Variants in DOCK7 observed in about 807,000 individuals in gnomAD.
DOCK7 encodes dedicator of cytokinesis 7, also known as dedicator of cytokinesis protein 7.
A neutral mutation model predicts 271.0 loss-of-function variants in DOCK7; 138 were observed. The ratio of observed to expected loss-of-function variants is 0.51; its 90% CI spans 0.44 to 0.59. DOCK7 has a LOEUF of 0.59. DOCK7 is among the 20% of genes least tolerant of loss of function. The probability of loss-of-function intolerance (pLI) is 0.00; values close to 1 mark genes in which losing one functional copy is unlikely to be tolerated. For missense variants in DOCK7, 2,066 were observed against 2,592.4 expected (o/e 0.80, Z 4.41); for synonymous variants, 823 against 876.1 (o/e 0.94, Z 1.07).
chr1:62,600,865 T>G (rs896521809), intron 14 of DOCK7, among the ~76,000 whole-genome samples: 1 of 151,812 alleles, frequency 6.6e-6, no homozygotes, highest in African/African-American at 2.4e-5. Context: ...TTTTTTGCCT[T>G]GCTTTATTTT....
chr1:62,583,821 TA>T (rs1296876001), intron 15 of DOCK7, among the ~76,000 whole-genome samples: 4 of 152,106 alleles, frequency 2.6e-5, no homozygotes, highest in Non-Finnish European at 4.4e-5. Flanking sequence ...TCCACCACAT[TA>T]AAAAGAATAC....
intron 48 of DOCK7, among the ~76,000 whole-genome samples, chr1:62,461,654 C>G (rs1056535279): frequency 5.5e-5 from 8 of 146,206 alleles, no homozygotes; most frequent in Non-Finnish European, 9.0e-5. Context: ...CTGGGTGACA[C>G]AGTGAGACCC....
chr1:62,650,653 T>G (rs1443132195), intron 4 of DOCK7, among the ~76,000 whole-genome samples: 1 of 152,162 alleles, frequency 6.6e-6, no homozygotes, highest in Non-Finnish European at 1.5e-5. Context: ...CAGACACTTC[T>G]CAAAAGAAGA....
At chr1:62,549,575 G>C (rs1053169834) in intron 22 of DOCK7, among the ~76,000 whole-genome samples, 1 of 152,058 alleles carries the variant, frequency 6.6e-6, no homozygotes, top group African/African-American at 2.4e-5. Flanking sequence ...TGATAAAGAT[G>C]TATCATGTGT....
At chr1:62,458,156 G>GGTGT (rs10609544) in intron 48 of DOCK7, 3,258 of 153,114 alleles carry the variant, frequency 0.021, 60 homozygotes, top group Admixed American at 0.041. Context: ...CTCAAACGTG[G>GGTGT]GTGTGTGTGT....
chr1:62,652,088 A>G (rs1001561020), intron 4 of DOCK7, among the ~76,000 whole-genome samples: 5 of 152,196 alleles, frequency 3.3e-5, no homozygotes, highest in Non-Finnish European at 5.9e-5. Flanking sequence ...AAATAAATAA[A>G]TAAATAAAGG....
At chr1:62,463,724 A>C (rs1007076670) in intron 48 of DOCK7, among the ~76,000 whole-genome samples, 4 of 152,218 alleles carry the variant, frequency 2.6e-5, no homozygotes, top group African/African-American at 9.6e-5. Flanking sequence ...ATGCAAAACA[A>C]AATATGTTAT....
At chr1:62,474,674 T>A (rs1048460947) in intron 47 of DOCK7, among the ~76,000 whole-genome samples, 6 of 152,202 alleles carry the variant, frequency 3.9e-5, no homozygotes, top group African/African-American at 1.4e-4. Flanking sequence ...GTACAGGAAA[T>A]CTTACTTGAA....
In DOCK7 at chr1:62,586,583, T is replaced by A. The variant is rs147324128; in HGVS notation, c.1724A>T (p.Asn575Ile). The change falls in exon 15 of 50, where the codon AAT becomes ATT. Residue 575 changes from asparagine (N) to isoleucine (I), a missense_variant. Coordinates refer to ENST00000635253, the MANE Select transcript of DOCK7 (RefSeq NM_001367561.1). ...YIYPQSLNFANRQGSARNITV... is the reference protein window; with the variant it reads ...YIYPQSLNFAIRQGSARNITV... ...TATATTTCTAGCAGAACCTTGACGA[T>A]TGGCAAAATTAAGACTCTGAGGGTA... 6.2e-7 allele frequency: 1 copy of A among 1,613,002 alleles called. No homozygotes were observed. Among genetic ancestry groups the A allele is most frequent in the Non-Finnish European group, 8.5e-7 (1 of 1,179,282 alleles).
At chr1:62,618,066 T>C (rs1446990559) in intron 14 of DOCK7, among the ~76,000 whole-genome samples, 1 of 152,074 alleles carries the variant, frequency 6.6e-6, no homozygotes, top group Non-Finnish European at 1.5e-5. Context: ...CCCTACTGAA[T>C]ATCCCAACAG....
At chr1:62,682,839 C>T (rs1320424940) in intron 1 of DOCK7, among the ~76,000 whole-genome samples, 7 of 152,026 alleles carry the variant, frequency 4.6e-5, no homozygotes, top group Non-Finnish European at 8.8e-5. Flanking sequence ...GGGAAAGGTC[C>T]ACAAAAAGGG....
chr1:62,681,392 G>C (rs929534092), intron 1 of DOCK7, among the ~76,000 whole-genome samples: 1 of 120,200 alleles, frequency 8.3e-6, no homozygotes, highest in East Asian at 3.0e-4. Context: ...TCGTGGGGTG[G>C]GGGGAGGGGG....
chr1:62,475,485 G>T, intron 46 of DOCK7, 134 bp from the exon 47 acceptor site: 1 of 1,214,074 alleles, frequency 8.2e-7, no homozygotes, highest in Non-Finnish European at 1.1e-6. Context: ...TTCCAAACTT[G>T]GATTCCTAAA....
intron 43 of DOCK7, chr1:62,482,068 A>G (rs1434967070): frequency 2.0e-5 from 3 of 152,210 alleles, no homozygotes; most frequent in Non-Finnish European, 4.4e-5. Context: ...AGATTTTATT[A>G]ACTAGTGTTA....
chr1:62,667,683 C>T (rs1216152617), intron 1 of DOCK7, among the ~76,000 whole-genome samples: 3 of 152,054 alleles, frequency 2.0e-5, no homozygotes, highest in African/African-American at 7.2e-5. Flanking sequence ...CGTGACTGCA[C>T]TCCAGCCTAG....
intron 7 of DOCK7, among the ~76,000 whole-genome samples, chr1:62,637,903 C>A (rs1286842991): frequency 2.0e-5 from 3 of 152,184 alleles, no homozygotes; most frequent in Non-Finnish European, 2.9e-5. Flanking sequence ...CAGCAGGGAA[C>A]TCTCTTCTAC....
At chr1:62,680,709 C>A (rs1325051863) in intron 1 of DOCK7, among the ~76,000 whole-genome samples, 1 of 151,774 alleles carries the variant, frequency 6.6e-6, no homozygotes. Context: ...ACAACCCCAT[C>A]AAAAAGTGGG....
chr1:62,460,377 TTTC>T (rs1645485162), intron 48 of DOCK7, among the ~76,000 whole-genome samples: 1 of 152,162 alleles, frequency 6.6e-6, no homozygotes, highest in Non-Finnish European at 1.5e-5. Flanking sequence ...TACAGACTTT[TTTC>T]TTGTCATTAT....
At chr1:62,601,947 T>C (rs1440878296) in intron 14 of DOCK7, 10 of 947,790 alleles carry the variant, frequency 1.1e-5, no homozygotes, top group Non-Finnish European at 1.5e-5. Flanking sequence ...ATTAGGAAGA[T>C]TAACCTGGTT....
Sources: gnomAD v4.1 joint callset for allele counts (sites outside exome capture counted in the v4.1 genomes callset) on GRCh38, gnomAD v4.1.1 for gene constraint, MANE v1.5 for transcripts, NCBI Gene and HGNC (gene_info 2026-07-23, HGNC 2026-07-21) for gene names.